The following GPM6A variants were observed in gnomAD, a reference collection of about 807,000 sequenced individuals.
The protein encoded by GPM6A is neuronal membrane glycoprotein M6-a.
A neutral mutation model predicts 32.1 loss-of-function variants in GPM6A; 7 were observed. The observed-to-expected ratio is 0.22, with a 90% CI of 0.12 to 0.41. The LOEUF (loss-of-function observed/expected upper bound fraction) is 0.41, where lower values mean the gene tolerates loss of function less well. Among genes scored for constraint, GPM6A ranks in the 10% least tolerant of loss-of-function variants. GPM6A has a pLI of 1.00. For missense variants in GPM6A, 235 were observed against 347.2 expected, an observed-to-expected ratio of 0.68 and a Z score of 2.57; for synonymous variants, 130 against 123.4, an observed-to-expected ratio of 1.05 and a Z score of -0.35.
intron 1 of GPM6A, among the ~76,000 whole-genome samples, chr4:175,951,512 T>C (rs900075085): frequency 2.6e-5 from 4 of 152,186 alleles, no homozygotes; most frequent in African/African-American, 7.2e-5. Context: ...AAATAATCTC[T>C]TGAGGCTTCA....
chr4:175,687,173 G>A (rs183284183), intron 2 of GPM6A, among the ~76,000 whole-genome samples: 6 of 152,280 alleles, frequency 3.9e-5, no homozygotes, highest in Non-Finnish European at 2.9e-5. Context: ...TTTTATTGCA[G>A]TAAATAACAC....
At chr4:175,848,474 AT>A (rs1426568013) in intron 1 of GPM6A, among the ~76,000 whole-genome samples, 1 of 152,154 alleles carries the variant, frequency 6.6e-6, no homozygotes, top group African/African-American at 2.4e-5. Context: ...AAATCAATAC[AT>A]TACCGAAAAT....
intron 1 of GPM6A, among the ~76,000 whole-genome samples, chr4:175,946,598 A>G (rs1739613968): frequency 6.6e-6 from 1 of 152,196 alleles, no homozygotes. Context: ...CAGGTGGTCC[A>G]TAGAAGCCAG....
At chr4:175,905,886 T>A (rs927826143) in intron 1 of GPM6A, among the ~76,000 whole-genome samples, 3 of 152,182 alleles carry the variant, frequency 2.0e-5, no homozygotes, top group Admixed American at 6.6e-5. Context: ...TGTAGACTTT[T>A]ACTAAATATC....
intron 1 of GPM6A, among the ~76,000 whole-genome samples, chr4:175,966,368 T>C (rs1225795468): frequency 6.6e-6 from 1 of 151,646 alleles, no homozygotes; most frequent in Non-Finnish European, 1.5e-5. Flanking sequence ...AGCTTCTGCA[T>C]TTCAGCCTGG....
intron 1 of GPM6A, among the ~76,000 whole-genome samples, chr4:175,802,270 C>T (rs1055955219): frequency 6.6e-6 from 1 of 152,028 alleles, no homozygotes; most frequent in African/African-American, 2.4e-5. Context: ...TCAATTCCAC[C>T]AAATAATGGT....
rs1740388976 is a variant in GPM6A at position 175,632,955 on chromosome 4, G to A, written c.*1950C>T. 1.3e-5 allele frequency: 2 copies of A among 152,190 alleles called. No homozygotes were observed. Among genetic ancestry groups the A allele is most frequent in the Admixed American group, 1.3e-4 (2 of 15,248 alleles). The allele number at this position is 152,190 out of a possible 1,614,324, so 9.4% of individuals were successfully genotyped here. A position where few individuals can be genotyped will look rare whatever the true frequency, so the allele number is the denominator to read the frequency against. ...CAGAAGCTAATAATAAGTACACAAAGTACACAAGTGTATTTATTACATTTT... is the reference window on the plus strand; with the variant it reads ...CAGAAGCTAATAATAAGTACACAAAATACACAAGTGTATTTATTACATTTT... On this transcript the variant is annotated 3_prime_UTR_variant, in exon 7 of 7. Transcript: ENST00000393658.
At chr4:175,699,897 T>A (rs999630550) in intron 2 of GPM6A, among the ~76,000 whole-genome samples, 2 of 152,210 alleles carry the variant, frequency 1.3e-5, no homozygotes, top group African/African-American at 2.4e-5. Context: ...CTCATTTTTT[T>A]AAATTTTTAT....
chr4:175,690,278 A>G (rs1744223697), intron 2 of GPM6A, among the ~76,000 whole-genome samples: 1 of 152,232 alleles, frequency 6.6e-6, no homozygotes, highest in South Asian at 2.1e-4. Flanking sequence ...GGTGGCAATT[A>G]TAGCAAATAT....
At chr4:175,726,088 G>C (rs1421349797) in intron 1 of GPM6A, among the ~76,000 whole-genome samples, 2 of 147,692 alleles carry the variant, frequency 1.4e-5, no homozygotes, top group African/African-American at 5.0e-5. Context: ...CGCCTCCCAG[G>C]TTCATGCCAT....
At chr4:175,936,356 A>G (rs1345077990) in intron 1 of GPM6A, among the ~76,000 whole-genome samples, 1 of 149,986 alleles carries the variant, frequency 6.7e-6, no homozygotes, top group Non-Finnish European at 1.5e-5. Flanking sequence ...CCTGTTATAT[A>G]ATAAAATTAA....
intron 1 of GPM6A, among the ~76,000 whole-genome samples, chr4:175,742,077 A>G (rs953257037): frequency 6.6e-6 from 1 of 152,144 alleles, no homozygotes; most frequent in Non-Finnish European, 1.5e-5. Context: ...AATAATTTAG[A>G]AAGTTTTTGA....
intron 1 of GPM6A, among the ~76,000 whole-genome samples, chr4:175,757,121 G>C (rs1454448496): frequency 6.6e-6 from 1 of 152,068 alleles, no homozygotes; most frequent in East Asian, 1.9e-4. Context: ...GGATGTGACA[G>C]AGGTGACAGT....
chr4:175,730,995 G>C (rs78763622), intron 1 of GPM6A, among the ~76,000 whole-genome samples: 4,955 of 152,120 alleles, frequency 0.033, 127 homozygotes, highest in South Asian at 0.05. Flanking sequence ...GCAGTCTGTC[G>C]GACCATCCTT....
At chr4:175,824,905 ACT>A (rs1560952581) in intron 1 of GPM6A, among the ~76,000 whole-genome samples, 1 of 152,236 alleles carries the variant, frequency 6.6e-6, no homozygotes. Context: ...TCAAAAGTTC[ACT>A]GTTTCCAATA....
intron 2 of GPM6A, among the ~76,000 whole-genome samples, chr4:175,678,689 A>G (rs1743513768): frequency 6.6e-6 from 1 of 152,144 alleles, no homozygotes; most frequent in African/African-American, 2.4e-5. Context: ...AACTGTGTAA[A>G]CCTGTCGCGC....
chr4:175,645,303 C>T (rs575336478), intron 4 of GPM6A, among the ~76,000 whole-genome samples: 11 of 152,210 alleles, frequency 7.2e-5, no homozygotes, highest in Admixed American at 5.9e-4. Context: ...ATATGAACAA[C>T]GTCAGAGAAA....
intron 1 of GPM6A, among the ~76,000 whole-genome samples, chr4:175,785,166 G>T (rs890172304): frequency 6.6e-6 from 1 of 152,150 alleles, no homozygotes; most frequent in Non-Finnish European, 1.5e-5. Context: ...TTGCTCTGGG[G>T]ATGTCCCCTG....
chr4:175,701,430 T>C (rs1744874151), intron 2 of GPM6A, 145 bp downstream of exon 2: 5 of 643,966 alleles, frequency 7.8e-6, no homozygotes, highest in Admixed American at 5.6e-5. Flanking sequence ...TCATGAATCA[T>C]GATTACCCTT....
Sources: allele counts gnomAD v4.1 joint callset (sites outside exome capture counted in the v4.1 genomes callset), GRCh38; gene constraint gnomAD v4.1.1; transcripts MANE v1.5; gene names NCBI Gene and HGNC (gene_info 2026-07-23, HGNC 2026-07-21).